Variants in TBCD observed in about 807,000 individuals in gnomAD.
The protein encoded by TBCD is tubulin-specific chaperone D.
TBCD carries 105 observed loss-of-function variants against 169.3 expected under a neutral mutation model. The observed-to-expected ratio is 0.62, with a 90% confidence interval of 0.53 to 0.73. The LOEUF is 0.73. TBCD is among the 30% of genes least tolerant of loss of function. The pLI, the probability that TBCD is intolerant of heterozygous loss-of-function variation, is 0.00. For synonymous variants in TBCD, 700 were observed against 643.9 expected (o/e 1.09, Z -1.32); for missense variants, 1,444 against 1,600.1 (o/e 0.90, Z 1.66).
At chr17:82,869,299 C>G (rs995535526) in intron 13 of TBCD, among the ~76,000 whole-genome samples, 1 of 152,142 alleles carries the variant, frequency 6.6e-6, no homozygotes, top group Non-Finnish European at 1.5e-5. Flanking sequence ...TCCTAAAATC[C>G]TCTCATGTCT....
intron 23 of TBCD, chr17:82,913,797 C>T (rs998586181): frequency 2.0e-5 from 3 of 152,290 alleles, no homozygotes; most frequent in East Asian, 1.9e-4. Context: ...GGGCGTTGGC[C>T]GCTGTTGGCC....
chr17:82,930,339 G>A lies in TBCD; in HGVS notation c.2992-183G>A, dbSNP rs2062094370. On this transcript the variant is annotated intron_variant, in intron 32 of 38. Coordinates refer to ENST00000355528, the MANE Select transcript of TBCD (RefSeq NM_005993.5). The surrounding 1 kb of genome is among the most constrained non-coding windows in gnomAD (Gnocchi z 5.2). ...TTGCCGAGAGCCTTGTGTCTGCTTCGGGTGTCTGCACTGTGAGTGGCTCCG... is the reference window on the plus strand; with the variant it reads ...TTGCCGAGAGCCTTGTGTCTGCTTCAGGTGTCTGCACTGTGAGTGGCTCCG... 7.9e-6 allele frequency: 6 copies of A among 759,894 alleles called. No individual in the cohort carries two copies. The highest frequency in any genetic ancestry group is 3.1e-5 in the Admixed American group (1 of 32,446). The allele number at this position is 759,894 out of a possible 1,614,324, so 47.1% of individuals were successfully genotyped here.
At chr17:82,872,071 G>A (rs1207334505) in intron 14 of TBCD, among the ~76,000 whole-genome samples, 1 of 152,188 alleles carries the variant, frequency 6.6e-6, no homozygotes, top group Non-Finnish European at 1.5e-5. Context: ...ACCTCAACCC[G>A]GTTACTTCCC....
chr17:82,758,773 C>T (rs1270893650), intron 2 of TBCD, among the ~76,000 whole-genome samples: 1 of 150,236 alleles, frequency 6.7e-6, no homozygotes, highest in African/African-American at 2.5e-5. Flanking sequence ...GATTCTCCTG[C>T]CTCAGCCTCC....
rs1159633041 is a variant in TBCD, at chr17:82,835,354, G to A, written c.1318+20420G>A. 2.0e-5 allele frequency among the ~76,000 whole-genome samples: 3 copies of A among 152,172 alleles called. No homozygotes were observed. Among genetic ancestry groups the A allele is most frequent in the Non-Finnish European group, 2.9e-5 (2 of 68,040 alleles). On this transcript the variant is annotated intron_variant, in intron 13 of 38. Transcript: ENST00000355528. The surrounding 1 kb of genome is among the most constrained non-coding windows in gnomAD (Gnocchi z 4.5). ...GGCTGGGCTTTCATATGGCTGCCCC[G>A]AACTCTGGGGAAGTGCTCTGATTTT...
chr17:82,938,599 C>G (rs919653580), intron 36 of TBCD, among the ~76,000 whole-genome samples: 2 of 152,248 alleles, frequency 1.3e-5, no homozygotes, highest in Non-Finnish European at 1.5e-5. Flanking sequence ...AAGTGGGGTG[C>G]CGGACCCTCA....
At chr17:82,804,378 T>C (rs607939) in intron 9 of TBCD, among the ~76,000 whole-genome samples, 56,152 of 150,722 alleles carry the variant, frequency 0.37, 10,642 homozygotes, top group Middle Eastern at 0.42. Flanking sequence ...GCTGGGTCCC[T>C]GGTCAGGGTC....
intron 12 of TBCD, among the ~76,000 whole-genome samples, chr17:82,813,338 C>T (rs191969237): frequency 6.6e-6 from 1 of 152,250 alleles, no homozygotes; most frequent in East Asian, 1.9e-4. Flanking sequence ...TTTCTGTTGT[C>T]TTCCCTCCTC....
At chr17:82,803,308 G>A (rs1214775826) in intron 9 of TBCD, among the ~76,000 whole-genome samples, 1 of 152,192 alleles carries the variant, frequency 6.6e-6, no homozygotes, top group African/African-American at 2.4e-5. Flanking sequence ...GAAAGTCACG[G>A]CTTTCTCTCC....
rs1464409364 is a variant in TBCD at position 82,893,622 on chromosome 17, C to T, written c.1639C>T (p.Leu547=). Residue 547 remains leucine, a synonymous_variant, in exon 17 of 39, where the codon CTG becomes TTG. Coordinates refer to ENST00000355528, the MANE Select transcript of TBCD (RefSeq NM_005993.5). ...CGTCGGTAACAGATCCAACTGTTTCCTGGTTATAAGGTAAGTCTTTAATGT... is the reference window on the plus strand; with the variant it reads ...CGTCGGTAACAGATCCAACTGTTTCTTGGTTATAAGGTAAGTCTTTAATGT... ...FAVGNRSNCF[L]VISVFIAGFP... 1 of 1,606,928 alleles carries T rather than the reference C, an allele frequency of 6.2e-7. No homozygotes were observed. The highest frequency in any genetic ancestry group is 8.5e-7 in the Non-Finnish European group (1 of 1,176,178).
intron 23 of TBCD, among the ~76,000 whole-genome samples, chr17:82,912,347 A>G (rs1462319043): frequency 1.3e-5 from 2 of 152,184 alleles, no homozygotes; most frequent in African/African-American, 2.4e-5. Flanking sequence ...ACAGTCGGGC[A>G]TTTTTTCTTT....
Position 82,835,815 on chromosome 17 carries a change from A to G in TBCD, c.1318+20881A>G, listed in dbSNP as rs1330667672. ...TTTAAGTTCTTTAAGACATTTATTT[A>G]CTAAGAAGTGGTTTGGGTAGAAAAG... On this transcript the variant is annotated intron_variant, in intron 13 of 38. Transcript: ENST00000355528. The surrounding 1 kb of genome is among the most constrained non-coding windows in gnomAD (Gnocchi z 4.5). Among the ~76,000 whole-genome samples the G allele has an allele frequency of 6.6e-6, 1 of 152,204 alleles. No individual in the cohort carries two copies. The highest frequency in any genetic ancestry group is 1.5e-5 in the Non-Finnish European group (1 of 68,046).
chr17:82,886,155 G>A (rs1400916964), intron 15 of TBCD: 1 of 152,214 alleles, frequency 6.6e-6, no homozygotes, highest in Non-Finnish European at 1.5e-5. Flanking sequence ...CATTGCCCTG[G>A]TGCTCCCATG....
intron 13 of TBCD, among the ~76,000 whole-genome samples, chr17:82,839,487 A>G (rs1047107194): frequency 2.6e-5 from 4 of 152,118 alleles, no homozygotes; most frequent in African/African-American, 9.7e-5. Flanking sequence ...ACACATATAT[A>G]TAACCCTAAA....
Position 82,923,518 on chromosome 17 carries a change from C to A in TBCD, c.2179-134C>A. The stretch of plus-strand genomic sequence containing the variant: ...CGCTGGGTCCCTGGTCAGGCAGGGG[C>A]TGCTCTGACCTCAGGGTGACCACGG... On this transcript the variant is annotated intron_variant, in intron 25 of 38. Transcript: ENST00000355528. This position sits in a 1 kb window ranked among gnomAD's most constrained non-coding sequence, Gnocchi z 4.6. The A allele has an allele frequency of 1.4e-6, 1 of 714,300 alleles. No individual in the cohort carries two copies. The highest frequency in any genetic ancestry group is 2.4e-6 in the Non-Finnish European group (1 of 423,954). The allele number at this position is 714,300 out of a possible 1,614,324, so 44.2% of individuals were successfully genotyped here. A position where few individuals can be genotyped will look rare whatever the true frequency, so the allele number is the denominator to read the frequency against.
chr17:82,775,295 C>T (rs986796643), intron 6 of TBCD, among the ~76,000 whole-genome samples: 1 of 152,228 alleles, frequency 6.6e-6, no homozygotes, highest in African/African-American at 2.4e-5. Context: ...CACTCTCGCA[C>T]ACTGATTCTC....
intron 12 of TBCD, among the ~76,000 whole-genome samples, chr17:82,812,455 C>T (rs964755879): frequency 6.6e-6 from 1 of 152,212 alleles, no homozygotes; most frequent in Non-Finnish European, 1.5e-5. Flanking sequence ...ACAGCCTCCC[C>T]AGACCCCAGA....
chr17:82,801,260 G>T (rs1190703719), intron 9 of TBCD, among the ~76,000 whole-genome samples: 3 of 152,210 alleles, frequency 2.0e-5, no homozygotes, highest in Admixed American at 6.5e-5. Context: ...TGTGGCTTTT[G>T]TGTCCAGTGG....
intron 23 of TBCD, chr17:82,918,489 T>TA (rs1366403912): frequency 6.6e-6 from 1 of 152,274 alleles, no homozygotes; most frequent in Non-Finnish European, 1.5e-5. Context: ...TGTGCCTTCC[T>TA]AGCCCACGGT....
Sources: gnomAD v4.1 joint callset for allele counts (sites outside exome capture counted in the v4.1 genomes callset) on GRCh38, gnomAD v4.1.1 for gene constraint, Gnocchi (gnomAD v3.1) non-coding constraint, MANE v1.5 for transcripts, NCBI Gene and HGNC (gene_info 2026-07-23, HGNC 2026-07-21) for gene names.